Variants in SLC35E2B observed in about 807,000 individuals in gnomAD.
SLC35E2B encodes the protein solute carrier family 35, member E2B.
In SLC35E2B, 18 loss-of-function variants were observed where a neutral mutation model predicts 32.4. The ratio of observed to expected loss-of-function variants is 0.56; its 90% CI spans 0.38 to 0.82. The LOEUF (loss-of-function observed/expected upper bound fraction) is 0.82, where lower values mean the gene tolerates loss of function less well. SLC35E2B is among the 40% of genes least tolerant of loss of function. The pLI is 0.00. For synonymous variants in SLC35E2B, 132 were observed against 209.1 expected (o/e 0.63, Z 3.18); for missense variants, 263 against 469.5 (o/e 0.56, Z 4.06).
At position 1,663,070 on chromosome 1, in the gene SLC35E2B, G is replaced by A. The variant is rs1392229377; in HGVS notation, c.*2712C>T. 2.8e-5 allele frequency: 27 copies of A among 956,534 alleles called. 1 individual carries two copies. The highest frequency in any genetic ancestry group is 3.2e-5 in the Non-Finnish European group (26 of 804,106). 59.3% of individuals were successfully genotyped at this position (956,534 alleles called of 1,614,324 possible). On this transcript the variant is annotated 3_prime_UTR_variant, in exon 10 of 10. Transcript: ENST00000617444. ...GGCATGGAGAGGAGACTGAGGGAGA[G>A]GGAGGGGACAGCACGACTGAGCAAG...
intron 2 of SLC35E2B, among the ~76,000 whole-genome samples, chr1:1,680,726 C>T (rs1365940719): frequency 2.0e-5 from 3 of 152,094 alleles, no homozygotes; most frequent in Non-Finnish European, 2.9e-5. Flanking sequence ...GCTCCAAGGC[C>T]GCAGGAGGAG....
chr1:1,669,327 C>T (rs961439080), intron 8 of SLC35E2B, among the ~76,000 whole-genome samples: 7 of 151,680 alleles, frequency 4.6e-5, no homozygotes, highest in African/African-American at 1.2e-4. Context: ...CCATTGCACT[C>T]CAGCCTGGGA....
intron 2 of SLC35E2B, among the ~76,000 whole-genome samples, chr1:1,686,496 A>G (rs2101118130): frequency 6.6e-6 from 1 of 152,058 alleles, no homozygotes; most frequent in African/African-American, 2.4e-5. Context: ...AAAAATGAAA[A>G]AAAGAGGCTG....
At chr1:1,670,057 C>T (rs1020369972) in intron 7 of SLC35E2B, 41 bp downstream of exon 7, 19 of 1,497,886 alleles carry the variant, frequency 1.3e-5, no homozygotes, top group African/African-American at 1.3e-4. Flanking sequence ...AAGTCCTCTT[C>T]GTCTTATGAC....
chr1:1,682,299 A>G (rs1477611359), intron 2 of SLC35E2B, among the ~76,000 whole-genome samples: 1 of 152,164 alleles, frequency 6.6e-6, no homozygotes, highest in Non-Finnish European at 1.5e-5. Flanking sequence ...ACCTTCTCAT[A>G]GAAGTCTTGG....
chr1:1,681,473 C>T (rs902363156), intron 2 of SLC35E2B, among the ~76,000 whole-genome samples: 5 of 151,324 alleles, frequency 3.3e-5, no homozygotes, highest in Admixed American at 2.6e-4. Context: ...TCCCAAAGTG[C>T]TGGGACTACA....
chr1:1,688,900 G>A (rs1297913118), intron 2 of SLC35E2B, among the ~76,000 whole-genome samples: 6 of 151,654 alleles, frequency 4.0e-5, no homozygotes, highest in Non-Finnish European at 4.4e-5. Flanking sequence ...GGTCGGGCGC[G>A]GTGGCTCAAG....
chr1:1,673,395 T>G (rs1345155869), intron 5 of SLC35E2B: 1 of 406,530 alleles, frequency 2.5e-6, no homozygotes, highest in Non-Finnish European at 5.0e-6. Context: ...TATGGGCAGG[T>G]GCAGCAGCTC....
chr1:1,679,009 G>A lies in SLC35E2B; in HGVS notation c.-147-2163C>T, dbSNP rs112569951. Among the ~76,000 whole-genome samples the A allele has an allele frequency of 4.9e-3, 739 of 152,266 alleles. 7 individuals carry two copies. Among genetic ancestry groups the A allele is most frequent in the African/African-American group, 0.017 (708 of 41,532 alleles). ...GGCAGGGGTGGAGCTCATGGCAGGCGTGGATCTCACTCCCCACCTCACTAG... is the reference window on the plus strand; with the variant it reads ...GGCAGGGGTGGAGCTCATGGCAGGCATGGATCTCACTCCCCACCTCACTAG... On this transcript the variant is annotated intron_variant, in intron 2 of 9. Coordinates refer to ENST00000617444, the MANE Select transcript of SLC35E2B (RefSeq NM_001290264.2).
At chr1:1,674,865 C>A (rs187674728) in intron 5 of SLC35E2B, among the ~76,000 whole-genome samples, 4 of 152,250 alleles carry the variant, frequency 2.6e-5, no homozygotes, top group Non-Finnish European at 5.9e-5. Context: ...TTCAAGACGC[C>A]GCGCTCTGTG....
In SLC35E2B at chr1:1,674,637, A is replaced by AC. The variant is rs1553169858; in HGVS notation, c.586+825_586+826insG. On this transcript the variant is annotated intron_variant, in intron 5 of 9. Transcript: ENST00000617444. ...GTCTCAAAAACATAAAAAAAACAAA[A>AC]AAAAAAAAACAAAAAAAAACCAGAG... 1.5e-4 allele frequency among the ~76,000 whole-genome samples: 23 copies of AC among 150,262 alleles called. No individual in the cohort carries two copies. In the South Asian group the frequency reaches 2.7e-3, roughly 18 times the overall value.
intron 2 of SLC35E2B, among the ~76,000 whole-genome samples, chr1:1,688,553 T>A (rs948069779): frequency 1.2e-4 from 18 of 151,508 alleles, no homozygotes; most frequent in Non-Finnish European, 2.2e-4. Context: ...TGAGCGGAGA[T>A]CGCGCCATTG....
chr1:1,689,359 CTG>C (rs1643992693), intron 2 of SLC35E2B, among the ~76,000 whole-genome samples: 1 of 151,828 alleles, frequency 6.6e-6, no homozygotes, highest in African/African-American at 2.4e-5. Context: ...ACAGCCCTGA[CTG>C]TGCTGCTGGA....
At position 1,692,654 on chromosome 1, in the gene SLC35E2B, A is replaced by G. The variant is rs1346104716; in HGVS notation, c.-771T>C. The G allele has an allele frequency of 6.1e-6, 6 of 982,910 alleles. No homozygotes were observed. In the African/African-American group the frequency reaches 1.1e-4, roughly 17 times the overall value. The allele number at this position is 982,910 out of a possible 1,614,324, so 60.9% of individuals were successfully genotyped here. ...TTCACGGGGCGCCCGCGGGACCGGA[A>G]ATGACGCGCAGAACCCTGCATCGGG... On this transcript the variant is annotated 5_prime_UTR_variant, in exon 1 of 10. Coordinates refer to ENST00000617444, the MANE Select transcript of SLC35E2B (RefSeq NM_001290264.2).
intron 9 of SLC35E2B, among the ~76,000 whole-genome samples, 198 bp from the exon 10 acceptor site, chr1:1,666,217 A>G (rs1643542656): frequency 1.3e-5 from 2 of 151,744 alleles, no homozygotes; most frequent in South Asian, 4.2e-4. Context: ...GCTCAACGGG[A>G]CCTCGGTGGT....
At chr1:1,684,598 T>C (rs1643928953) in intron 2 of SLC35E2B, among the ~76,000 whole-genome samples, 1 of 151,970 alleles carries the variant, frequency 6.6e-6, no homozygotes, top group Non-Finnish European at 1.5e-5. Context: ...GAGACCATCC[T>C]GGCCTACATG....
chr1:1,677,992 C>G (rs1396124571), intron 2 of SLC35E2B, among the ~76,000 whole-genome samples: 3 of 151,708 alleles, frequency 2.0e-5, no homozygotes, highest in Admixed American at 6.6e-5. Context: ...AATCCCAGCG[C>G]TCAGGCAGCC....
chr1:1,677,478 CTTTT>C (rs533023320), intron 2 of SLC35E2B, among the ~76,000 whole-genome samples: 7 of 135,780 alleles, frequency 5.2e-5, no homozygotes, highest in Non-Finnish European at 6.4e-5. Context: ...TTTCTTTTTC[CTTTT>C]TTTTTTTTTT....
chr1:1,687,614 A>G (rs1238938530), intron 2 of SLC35E2B, among the ~76,000 whole-genome samples: 2 of 152,030 alleles, frequency 1.3e-5, no homozygotes, highest in African/African-American at 4.8e-5. Context: ...AGGCGCCTGT[A>G]GTCCCAGCTA....
Sources: allele counts gnomAD v4.1 joint callset (sites outside exome capture counted in the v4.1 genomes callset), GRCh38; gene constraint gnomAD v4.1.1; transcripts MANE v1.5; gene names NCBI Gene and HGNC (gene_info 2026-07-23, HGNC 2026-07-21).